Variants in ANKRD13C observed in about 807,000 individuals in gnomAD.
ANKRD13C encodes the protein ankyrin repeat domain 13C.
ANKRD13C carries 16 observed loss-of-function variants against 65.5 expected under a neutral mutation model. That is an observed-to-expected ratio of 0.24 (90% confidence interval 0.17 to 0.37). The LOEUF is 0.37. Among genes scored for constraint, ANKRD13C ranks in the 10% least tolerant of loss-of-function variants. The probability of loss-of-function intolerance (pLI) is 1.00; values close to 1 mark genes in which losing one functional copy is unlikely to be tolerated. For synonymous variants in ANKRD13C, 235 were observed against 238.7 expected (o/e 0.98, Z 0.14); for missense variants, 503 against 655.9 (o/e 0.77, Z 2.55).
intron 11 of ANKRD13C, among the ~76,000 whole-genome samples, chr1:70,273,899 G>A (rs534044049): frequency 1.4e-4 from 21 of 151,434 alleles, no homozygotes; most frequent in Admixed American, 7.9e-4. Context: ...CAGATGATCC[G>A]CCCACCTTGG....
chr1:70,283,237 T>C (rs1679473540), intron 9 of ANKRD13C, among the ~76,000 whole-genome samples: 1 of 152,164 alleles, frequency 6.6e-6, no homozygotes, highest in African/African-American at 2.4e-5. Flanking sequence ...TCTATACTGA[T>C]GCCATGGCTA....
In ANKRD13C at chr1:70,298,164, C is replaced by T. The variant is rs571890967; in HGVS notation, c.922-1903G>A. Among the ~76,000 whole-genome samples the T allele has an allele frequency of 1.2e-4, 18 of 152,114 alleles. No individual in the cohort carries two copies. The South Asian group carries it at 1.9e-3, about 16-fold the overall frequency. On this transcript the variant is annotated intron_variant, in intron 7 of 12. Coordinates refer to ENST00000370944, the MANE Select transcript of ANKRD13C (RefSeq NM_030816.5). ...ACTATACTTCAAATATATTATGAAT[C>T]AAGTAGAATTTTATATATTAGCTTG...
chr1:70,315,609 A>C (rs1374031074), intron 3 of ANKRD13C, 43 bp from the exon 4 acceptor site: 5 of 1,509,232 alleles, frequency 3.3e-6, no homozygotes, highest in Non-Finnish European at 4.5e-6. Flanking sequence ...AATTTTCATC[A>C]TGCAGTAAAA....
At chr1:70,277,344 G>A (rs1679185435) in intron 9 of ANKRD13C, among the ~76,000 whole-genome samples, 2 of 151,972 alleles carry the variant, frequency 1.3e-5, no homozygotes, top group South Asian at 2.1e-4. Context: ...TGTAATCCCA[G>A]CTACTCAGGA....
intron 1 of ANKRD13C, among the ~76,000 whole-genome samples, chr1:70,339,195 A>T (rs1192658164): frequency 6.7e-6 from 1 of 149,002 alleles, no homozygotes; most frequent in African/African-American, 2.5e-5. Context: ...AGGAAACAAA[A>T]TGAGACCCTA....
In ANKRD13C at chr1:70,354,705, G is replaced by A. The variant is rs2101662232; in HGVS notation, c.-297C>T. ...GCCTTACACCGAAAAACAGGGCACG[G>A]CCATCTTCCTCTTGCTCCTCTCGCG... On this transcript the variant is annotated 5_prime_UTR_variant, in exon 1 of 13. Coordinates refer to ENST00000370944, the MANE Select transcript of ANKRD13C (RefSeq NM_030816.5). 3 of 736,602 alleles carry A rather than the reference G, an allele frequency of 4.1e-6. No individual in the cohort carries two copies. Among genetic ancestry groups the A allele is most frequent in the Non-Finnish European group, 4.3e-6 (2 of 462,696 alleles). 45.6% of individuals were successfully genotyped at this position (736,602 alleles called of 1,614,324 possible).
intron 2 of ANKRD13C, among the ~76,000 whole-genome samples, chr1:70,334,177 T>G (rs1307440043): frequency 6.6e-6 from 1 of 151,910 alleles, no homozygotes; most frequent in Non-Finnish European, 1.5e-5. Context: ...ATTTAAAAGT[T>G]AGTTAGGTAT....
intron 3 of ANKRD13C, among the ~76,000 whole-genome samples, chr1:70,317,731 T>A (rs1681131979): frequency 6.6e-6 from 1 of 152,178 alleles, no homozygotes; most frequent in African/African-American, 2.4e-5. Flanking sequence ...TTTTTAATGG[T>A]CATTGTTTTC....
chr1:70,272,748 A>T (rs1387415468), intron 11 of ANKRD13C, among the ~76,000 whole-genome samples: 4 of 151,904 alleles, frequency 2.6e-5, no homozygotes, highest in African/African-American at 9.7e-5. Context: ...CAGCACTTTA[A>T]GAGGCCCAGG....
chr1:70,326,231 C>CAA (rs59618915), intron 2 of ANKRD13C, among the ~76,000 whole-genome samples: 1,091 of 31,124 alleles, frequency 0.035, 98 homozygotes, highest in Non-Finnish European at 0.043. Context: ...AACTCTGTCT[C>CAA]AAAAAAAAAA....
chr1:70,288,142 G>C (rs891094087), intron 9 of ANKRD13C, among the ~76,000 whole-genome samples: 6 of 152,218 alleles, frequency 3.9e-5, no homozygotes, highest in African/African-American at 1.4e-4. Flanking sequence ...AAGCCATGAA[G>C]AGATGACCAT....
At chr1:70,286,208 A>C (rs1014827488) in intron 9 of ANKRD13C, among the ~76,000 whole-genome samples, 4 of 152,334 alleles carry the variant, frequency 2.6e-5, no homozygotes, top group African/African-American at 9.6e-5. Flanking sequence ...AATATCTGAT[A>C]GAATTACTAT....
At chr1:70,312,340 G>A (rs983838702) in intron 5 of ANKRD13C, among the ~76,000 whole-genome samples, 4 of 151,380 alleles carry the variant, frequency 2.6e-5, no homozygotes, top group Non-Finnish European at 5.9e-5. Context: ...CCATAGACTA[G>A]GCCTAAAACT....
intron 12 of ANKRD13C, among the ~76,000 whole-genome samples, chr1:70,265,824 C>CAAAAAAAAAAAAAAAAAA (rs775757290): frequency 1.0e-3 from 36 of 35,366 alleles, no homozygotes; most frequent in Non-Finnish European, 1.6e-3. Context: ...GACCTTGCCT[C>CAAAAAAAAAAAAAAAAAA]AAAAAAAAAA....
At chr1:70,332,653 A>G (rs1681863291) in intron 2 of ANKRD13C, among the ~76,000 whole-genome samples, 1 of 151,976 alleles carries the variant, frequency 6.6e-6, no homozygotes, top group Non-Finnish European at 1.5e-5. Context: ...TTTAGTAGAG[A>G]TGGGGTCTTG....
At chr1:70,309,230 T>C (rs1046219844) in intron 5 of ANKRD13C, among the ~76,000 whole-genome samples, 3 of 151,298 alleles carry the variant, frequency 2.0e-5, no homozygotes, top group Non-Finnish European at 3.0e-5. Context: ...CCCCCTACCA[T>C]GTCCACCTAA....
chr1:70,279,800 G>A (rs537084959), intron 9 of ANKRD13C, among the ~76,000 whole-genome samples: 1 of 152,300 alleles, frequency 6.6e-6, no homozygotes, highest in South Asian at 2.1e-4. Context: ...ACTGTGATCA[G>A]CCCTTGAGTT....
chr1:70,269,479 A>G (rs1473447541), intron 12 of ANKRD13C, among the ~76,000 whole-genome samples: 1 of 152,200 alleles, frequency 6.6e-6, no homozygotes, highest in Non-Finnish European at 1.5e-5. Flanking sequence ...CCTAGAAGGG[A>G]GTCTAAAACT....
intron 3 of ANKRD13C, among the ~76,000 whole-genome samples, chr1:70,322,216 C>T (rs1025591056): frequency 1.3e-5 from 2 of 151,916 alleles, no homozygotes; most frequent in South Asian, 4.2e-4. Context: ...TCAGGAGAAC[C>T]GCTTGAACTC....
Sources: gnomAD v4.1 joint callset for allele counts (sites outside exome capture counted in the v4.1 genomes callset) on GRCh38, gnomAD v4.1.1 for gene constraint, MANE v1.5 for transcripts, NCBI Gene and HGNC (gene_info 2026-07-23, HGNC 2026-07-21) for gene names.